Variants in SPAG17 observed in about 807,000 individuals in gnomAD.
SPAG17 encodes the protein sperm-associated antigen 17.
SPAG17 carries 169 observed loss-of-function variants against 273.6 expected under a neutral mutation model. The ratio of observed to expected loss-of-function variants is 0.62; its 90% CI spans 0.55 to 0.70. The LOEUF is 0.70. Ranked by LOEUF, SPAG17 falls within the 30% of genes least tolerant of loss-of-function variation. The pLI is 0.00. For missense variants in SPAG17, 2,557 were observed against 2,627.8 expected (o/e 0.97, Z 0.59); for synonymous variants, 825 against 873.2 (o/e 0.94, Z 0.97).
chr1:117,958,781 TTTG>T, intron 48 of SPAG17: 2 of 603,160 alleles, frequency 3.3e-6, no homozygotes, highest in Non-Finnish European at 2.7e-6. Context: ...TTTTTTTTTT[TTTG>T]CTCGAAACAT....
intron 24 of SPAG17, 72 bp from the exon 25 acceptor site, chr1:118,031,939 C>T (rs1557932946): frequency 1.6e-6 from 2 of 1,290,290 alleles, no homozygotes; most frequent in East Asian, 2.4e-5. Flanking sequence ...ATAACATTTA[C>T]AACTCAAAAA....
chr1:118,107,412 G>A (rs566326440), intron 4 of SPAG17, among the ~76,000 whole-genome samples: 2 of 152,090 alleles, frequency 1.3e-5, no homozygotes, highest in Admixed American at 6.5e-5. Context: ...TTTTGCCTTT[G>A]CATTCCTCTA....
intron 40 of SPAG17, 145 bp downstream of exon 40, chr1:117,987,689 G>A: frequency 1.3e-6 from 1 of 748,762 alleles, no homozygotes; most frequent in Non-Finnish European, 2.2e-6. Context: ...TCATCACACA[G>A]AGCTGAATGA....
intron 3 of SPAG17, among the ~76,000 whole-genome samples, chr1:118,130,887 A>C (rs1484915722): frequency 1.3e-5 from 2 of 152,208 alleles, no homozygotes; most frequent in East Asian, 1.9e-4. Flanking sequence ...CCAAGAACAC[A>C]GGGGTTAAAT....
intron 12 of SPAG17, 137 bp downstream of exon 12, chr1:118,086,534 T>C: frequency 2.6e-6 from 2 of 781,436 alleles, no homozygotes; most frequent in South Asian, 3.8e-5. Flanking sequence ...AGGTCCTACT[T>C]TGTATGCAAG....
In SPAG17 at chr1:118,005,619, A is replaced by G; in HGVS notation, c.4588-17T>C. 1 of 1,404,640 alleles carries G rather than the reference A, an allele frequency of 7.1e-7. No homozygotes were observed. The allele number at this position is 1,404,640 out of a possible 1,614,324, so 87.0% of individuals were successfully genotyped here. On this transcript the variant is annotated splice_polypyrimidine_tract_variant and intron_variant, in intron 31 of 48. Coordinates refer to ENST00000336338, the MANE Select transcript of SPAG17 (RefSeq NM_206996.4). ...AGGTAACACCTGAAAGAGTAACAGA[A>G]AGACAGAAATTATTAAAATTTTCTT...
intron 15 of SPAG17, among the ~76,000 whole-genome samples, chr1:118,075,268 C>T (rs1653983734): frequency 6.6e-6 from 1 of 152,120 alleles, no homozygotes; most frequent in Admixed American, 6.5e-5. Flanking sequence ...CACTATGGAC[C>T]AATATGAGTC....
chr1:117,961,255 G>C (rs963385812), intron 48 of SPAG17: 1 of 152,200 alleles, frequency 6.6e-6, no homozygotes, highest in African/African-American at 2.4e-5. Context: ...CAGCATTCCA[G>C]CCTGGGCAAC....
At chr1:118,121,486 C>T (rs549183262) in intron 3 of SPAG17, among the ~76,000 whole-genome samples, 4 of 152,136 alleles carry the variant, frequency 2.6e-5, no homozygotes, top group East Asian at 1.9e-4. Flanking sequence ...CATTACTGCC[C>T]GAGCTCTGCC....
chr1:118,148,946 A>G (rs1207138009), intron 3 of SPAG17, among the ~76,000 whole-genome samples: 1 of 152,170 alleles, frequency 6.6e-6, no homozygotes, highest in Non-Finnish European at 1.5e-5. Context: ...TCTTCTCCAG[A>G]TGTGCAACCT....
rs984305127 is a variant in SPAG17, at chr1:117,987,823, G to A, written c.5669+11C>T. On this transcript the variant is annotated intron_variant, in intron 40 of 48. Coordinates refer to ENST00000336338, the MANE Select transcript of SPAG17 (RefSeq NM_206996.4). ...TTTCAGGTCCTTATGTGCGTTTTGGGGTATAATTACCTCGTTTTGTCTATC... is the reference window on the plus strand; with the variant it reads ...TTTCAGGTCCTTATGTGCGTTTTGGAGTATAATTACCTCGTTTTGTCTATC... The A allele has an allele frequency of 6.2e-7, 1 of 1,612,246 alleles. No homozygotes were observed. Among genetic ancestry groups the A allele is most frequent in the Non-Finnish European group, 8.5e-7 (1 of 1,178,670 alleles).
chr1:117,973,626 T>C (rs1478923670), intron 43 of SPAG17, 65 bp from the exon 44 acceptor site: 3 of 1,517,444 alleles, frequency 2.0e-6, no homozygotes, highest in African/African-American at 1.4e-5. Flanking sequence ...TGAAGTAATA[T>C]CAGAATGTAT....
At chr1:118,093,515 C>T (rs1174556893) in intron 7 of SPAG17, among the ~76,000 whole-genome samples, 198 bp from the exon 8 acceptor site, 1 of 152,122 alleles carries the variant, frequency 6.6e-6, no homozygotes, top group East Asian at 1.9e-4. Context: ...TTGTTTACCG[C>T]AATATGGACT....
chr1:118,058,330 C>T (rs1012458967), intron 18 of SPAG17, among the ~76,000 whole-genome samples: 1 of 152,106 alleles, frequency 6.6e-6, no homozygotes. Flanking sequence ...AGCTCAGACT[C>T]CCAAGTAGCT....
At chr1:118,167,053 C>A (rs1168619232) in intron 1 of SPAG17, among the ~76,000 whole-genome samples, 10 of 151,988 alleles carry the variant, frequency 6.6e-5, no homozygotes, top group Admixed American at 6.6e-4. Context: ...ATGATATGTT[C>A]AAAAATGTCT....
chr1:118,087,117 G>C (rs1202158368), intron 10 of SPAG17, 109 bp from the exon 11 acceptor site: 2 of 1,258,378 alleles, frequency 1.6e-6, no homozygotes, highest in African/African-American at 3.0e-5. Context: ...CCATTTCTGG[G>C]ACCCAAGTAC....
intron 1 of SPAG17, among the ~76,000 whole-genome samples, chr1:118,161,328 C>A (rs544203985): frequency 5.9e-5 from 9 of 152,054 alleles, no homozygotes; most frequent in Non-Finnish European, 1.2e-4. Context: ...CAGTGGAGAC[C>A]TGTCATAGGG....
At position 118,023,357 on chromosome 1, in the gene SPAG17, A is replaced by G; in HGVS notation, c.4016T>C (p.Ile1339Thr). The change falls in exon 28 of 49, where the codon ATT becomes ACT. Residue 1339 changes from isoleucine to threonine, a missense_variant. By Grantham distance (89) the Ile-to-Thr change is moderately conservative. Coordinates refer to ENST00000336338, the MANE Select transcript of SPAG17 (RefSeq NM_206996.4). ...TPHSGDLMDSISQQKSETIPS... is the reference protein window; with the variant it reads ...TPHSGDLMDSTSQQKSETIPS... Reference sequence around the variant, plus strand: ...TATCGTTTCTGATTTCTGCTGAGAAATAGAGTCCATCAAATCTCCACTGTG... The same window carrying G: ...TATCGTTTCTGATTTCTGCTGAGAAGTAGAGTCCATCAAATCTCCACTGTG... 1 of 1,612,754 alleles carries G rather than the reference A, an allele frequency of 6.2e-7. No homozygotes were observed. The highest frequency in any genetic ancestry group is 8.5e-7 in the Non-Finnish European group (1 of 1,179,128).
chr1:118,058,199 T>C (rs1030393721), intron 18 of SPAG17, among the ~76,000 whole-genome samples: 1 of 152,124 alleles, frequency 6.6e-6, no homozygotes, highest in African/African-American at 2.4e-5. Flanking sequence ...ACTAAAAAAA[T>C]GCAAGCTGCT....
Sources: allele counts gnomAD v4.1 joint callset (sites outside exome capture counted in the v4.1 genomes callset), GRCh38; gene constraint gnomAD v4.1.1; transcripts MANE v1.5; gene names NCBI Gene and HGNC (gene_info 2026-07-23, HGNC 2026-07-21).